The following ENAH variants were observed in gnomAD, a reference collection of about 807,000 sequenced individuals.
ENAH encodes the protein protein enabled homolog.
ENAH carries 23 observed loss-of-function variants against 78.7 expected under a neutral mutation model. The ratio of observed to expected loss-of-function variants is 0.29; its 90% CI spans 0.21 to 0.41. The LOEUF is 0.41. Ranked by LOEUF, ENAH falls within the 10% of genes least tolerant of loss-of-function variation. ENAH has a pLI of 1.00. For missense variants in ENAH, 544 were observed against 691.0 expected, an observed-to-expected ratio of 0.79 and a Z score of 2.39; for synonymous variants, 226 against 241.0, an observed-to-expected ratio of 0.94 and a Z score of 0.58.
rs1026674905 is a variant in ENAH at position 225,488,745 on chromosome 1, G to C, written c.*9030C>G. 5.3e-5 allele frequency: 8 copies of C among 152,156 alleles called. No homozygotes were observed. The highest frequency in any genetic ancestry group is 1.2e-4 in the Non-Finnish European group (8 of 68,034). 9.4% of individuals were successfully genotyped at this position (152,156 alleles called of 1,614,324 possible). On this transcript the variant is annotated 3_prime_UTR_variant, in exon 14 of 14. Transcript: ENST00000366843. ...ACACGCACCAAGAACCAAAGTAAAAGAATGTCAGCAAAACAGGACCCATCT... is the reference window on the plus strand; with the variant it reads ...ACACGCACCAAGAACCAAAGTAAAACAATGTCAGCAAAACAGGACCCATCT...
At chr1:225,505,916 T>C (rs1438610169) in intron 11 of ENAH, among the ~76,000 whole-genome samples, 2 of 152,044 alleles carry the variant, frequency 1.3e-5, no homozygotes, top group African/African-American at 4.8e-5. Flanking sequence ...GAATCAAGAT[T>C]CAACTCATCT....
chr1:225,589,120 T>C (rs1041120345), intron 1 of ENAH, among the ~76,000 whole-genome samples: 1 of 152,068 alleles, frequency 6.6e-6, no homozygotes, highest in African/African-American at 2.4e-5. Context: ...AGCTAATCTA[T>C]AGTAGAAACA....
intron 1 of ENAH, among the ~76,000 whole-genome samples, chr1:225,640,893 CTTTTTTTT>C (rs61440195): frequency 7.6e-6 from 1 of 130,970 alleles, no homozygotes; most frequent in Non-Finnish European, 1.6e-5. Context: ...CAAGTACATA[CTTTTTTTT>C]TTTTTTTTTT....
chr1:225,616,618 ATTC>A (rs1194903337), intron 1 of ENAH, among the ~76,000 whole-genome samples: 2 of 152,154 alleles, frequency 1.3e-5, no homozygotes, highest in South Asian at 2.1e-4. Context: ...AAGATAAAAT[ATTC>A]TTCTAGGAAA....
intron 3 of ENAH, among the ~76,000 whole-genome samples, chr1:225,531,669 T>G (rs7540181): frequency 0.66 from 100,342 of 151,916 alleles, 33,450 homozygotes; most frequent in Middle Eastern, 0.74. Flanking sequence ...TGTAGACAAC[T>G]TAGGAAAATA....
intron 1 of ENAH, among the ~76,000 whole-genome samples, chr1:225,648,780 A>C (rs1052509471): frequency 4.0e-5 from 5 of 125,190 alleles, no homozygotes; most frequent in African/African-American, 1.5e-4. Flanking sequence ...TTTTTTTACC[A>C]GTTTACTCAA....
chr1:225,621,644 G>T (rs1458619602), intron 1 of ENAH, among the ~76,000 whole-genome samples: 4 of 152,116 alleles, frequency 2.6e-5, no homozygotes, highest in East Asian at 3.9e-4. Context: ...ACACCATAAT[G>T]GCCCAGTCAC....
chr1:225,542,683 A>AAAATT (rs2096595254), intron 3 of ENAH, among the ~76,000 whole-genome samples: 1 of 152,326 alleles, frequency 6.6e-6, no homozygotes, highest in East Asian at 1.9e-4. Flanking sequence ...TGAATACATA[A>AAAATT]AAATTAAATA....
At chr1:225,650,859 A>AAC (rs1662848374) in intron 1 of ENAH, among the ~76,000 whole-genome samples, 1 of 148,396 alleles carries the variant, frequency 6.7e-6, no homozygotes, top group Non-Finnish European at 1.5e-5. Flanking sequence ...AAAAAAAAAA[A>AAC]AAAAAAAAAA....
chr1:225,541,893 T>G (rs553445590), intron 3 of ENAH, among the ~76,000 whole-genome samples: 1 of 152,316 alleles, frequency 6.6e-6, no homozygotes, highest in Non-Finnish European at 1.5e-5. Context: ...TTTTTTGTTT[T>G]GTTTTGAGGC....
intron 1 of ENAH, among the ~76,000 whole-genome samples, chr1:225,636,182 C>T (rs375720600): frequency 1.4e-4 from 22 of 152,296 alleles, no homozygotes; most frequent in African/African-American, 4.3e-4. Flanking sequence ...TAACTGCCTA[C>T]CTCAGAAGTG....
At chr1:225,518,278 A>G (rs2096437678) in intron 5 of ENAH, among the ~76,000 whole-genome samples, 1 of 152,128 alleles carries the variant, frequency 6.6e-6, no homozygotes, top group Non-Finnish European at 1.5e-5. Context: ...AGCTAGTATT[A>G]GTCTTAATTT....
At chr1:225,606,836 C>CT (rs1398840530) in intron 1 of ENAH, among the ~76,000 whole-genome samples, 2 of 104,586 alleles carry the variant, frequency 1.9e-5, no homozygotes, top group African/African-American at 4.1e-5. Context: ...GTGCAAGACT[C>CT]TGTCTCAAAA....
At chr1:225,513,154 C>T in intron 7 of ENAH, 138 bp from the exon 8 acceptor site, 1 of 721,614 alleles carries the variant, frequency 1.4e-6, no homozygotes, top group East Asian at 3.0e-5. Flanking sequence ...CTTTAAGAAC[C>T]AATAGATTCT....
At chr1:225,528,133 T>C (rs2096519236) in intron 4 of ENAH, among the ~76,000 whole-genome samples, 1 of 152,162 alleles carries the variant, frequency 6.6e-6, no homozygotes, top group Admixed American at 6.5e-5. Flanking sequence ...AACTTTTTAT[T>C]AGAAATTTTA....
At chr1:225,582,473 C>A (rs888407430) in intron 1 of ENAH, among the ~76,000 whole-genome samples, 1 of 152,156 alleles carries the variant, frequency 6.6e-6, no homozygotes, top group African/African-American at 2.4e-5. Context: ...AGCCTGACAA[C>A]TGGTCCTGGT....
intron 1 of ENAH, among the ~76,000 whole-genome samples, chr1:225,624,026 G>T (rs1471328243): frequency 1.3e-5 from 2 of 152,106 alleles, no homozygotes; most frequent in Non-Finnish European, 2.9e-5. Flanking sequence ...CGGTTATTTG[G>T]TTTTTTGTTT....
At chr1:225,600,105 A>C (rs932565676) in intron 1 of ENAH, among the ~76,000 whole-genome samples, 1 of 152,224 alleles carries the variant, frequency 6.6e-6, no homozygotes, top group Admixed American at 6.5e-5. Context: ...CTTCCTATAA[A>C]GCCTGCAGAA....
At chr1:225,498,265 T>A in intron 13 of ENAH, 82 bp downstream of exon 13, 1 of 1,115,856 alleles carries the variant, frequency 9.0e-7, no homozygotes, top group African/African-American at 1.6e-5. Flanking sequence ...ATCAGCTGGG[T>A]ATTTCCTTAT....
Sources: gnomAD v4.1 joint callset for allele counts (sites outside exome capture counted in the v4.1 genomes callset) on GRCh38, gnomAD v4.1.1 for gene constraint, MANE v1.5 for transcripts, NCBI Gene and HGNC (gene_info 2026-07-23, HGNC 2026-07-21) for gene names.